Variants in MAGEA4 observed in about 807,000 individuals in gnomAD.
MAGEA4 encodes melanoma-associated antigen 4.
In MAGEA4, 1 loss-of-function variant was observed where a neutral mutation model predicts 13.7. The ratio of observed to expected loss-of-function variants is 0.07; its 90% CI spans 0.03 to 0.35. The LOEUF (loss-of-function observed/expected upper bound fraction) is 0.35. Among genes scored for constraint, MAGEA4 ranks in the 10% least tolerant of loss-of-function variants. MAGEA4 has a pLI of 0.99. For synonymous variants in MAGEA4, 132 were observed against 101.1 expected (o/e 1.31, Z -1.83); for missense variants, 312 against 245.1 (o/e 1.27, Z -1.82).
rs201418399 is a variant in MAGEA4, at chrX:151,923,952, A to G, written c.288A>G (p.Pro96=). Reference sequence around the variant, plus strand: ...CCAGCAGCCAAGAAGAGGAGGGGCCAAGCACCTCGCCTGACGCAGAGTCCT... The same window carrying G: ...CCAGCAGCCAAGAAGAGGAGGGGCCGAGCACCTCGCCTGACGCAGAGTCCT... ...EGSSSQEEEG[P]STSPDAESLF... Residue 96 remains proline, a synonymous_variant, in exon 3 of 3, where the codon CCA becomes CCG. Coordinates refer to ENST00000276344, the MANE Select transcript of MAGEA4 (RefSeq NM_001011548.1). The G allele has an allele frequency of 1.5e-4, 179 of 1,209,870 alleles. 2 individuals carry two copies. Among genetic ancestry groups the G allele is most frequent in the Middle Eastern group, 2.3e-4 (1 of 4,370 alleles).
rs376027883 is a variant in MAGEA4, at chrX:151,923,190, G to T, written c.-137-263G>T. Among the ~76,000 whole-genome samples the T allele has an allele frequency of 7.1e-5, 8 of 111,998 alleles. 1 individual carries two copies. In the East Asian group the frequency reaches 1.4e-3, roughly 20 times the overall value. On this transcript the variant is annotated intron_variant, in intron 1 of 2. Coordinates refer to ENST00000276344, the MANE Select transcript of MAGEA4 (RefSeq NM_001011548.1). The stretch of plus-strand genomic sequence containing the variant: ...CTGTGCTTACAGTCTGCACCCTAAG[G>T]GCCCATGGATTCCTCTCCTAGGAGC...
intron 1 of MAGEA4, among the ~76,000 whole-genome samples, chrX:151,913,231 C>T (rs1001580871): frequency 1.8e-5 from 2 of 110,053 alleles, no homozygotes; most frequent in African/African-American, 6.6e-5. Context: ...TACCACACCG[C>T]TATTCCCATC....
chrX:151,923,774 A>G lies in MAGEA4; in HGVS notation c.110A>G (p.Glu37Gly). 8.3e-7 allele frequency: 1 copy of G among 1,208,454 alleles called. No individual in the cohort carries two copies. Among genetic ancestry groups the G allele is most frequent in the Non-Finnish European group, 1.1e-6 (1 of 894,702 alleles). The change falls in exon 3 of 3, where the codon GAG (glutamate) becomes GGG (glycine). Residue 37 changes from glutamate (E) to glycine (G), a missense_variant. Coordinates refer to ENST00000276344, the MANE Select transcript of MAGEA4 (RefSeq NM_001011548.1). The stretch of plus-strand genomic sequence containing the variant: ...CAGGCTCCTACTACTGAGGAGCAGG[A>G]GGCTGCTGTCTCCTCCTCCTCTCCT... Reference protein sequence around the residue: ...GAQAPTTEEQEAAVSSSSPLV... With the variant: ...GAQAPTTEEQGAAVSSSSPLV...
At chrX:151,917,658 G>T (rs1933115291) in intron 1 of MAGEA4, 1 of 185,416 alleles carries the variant, frequency 5.4e-6, no homozygotes, top group African/African-American at 4.1e-5. Flanking sequence ...GAAGGAAGCA[G>T]GCCAGGCCCT....
chrX:151,920,922 G>T (rs1483280640), intron 1 of MAGEA4, among the ~76,000 whole-genome samples: 2 of 110,307 alleles, frequency 1.8e-5, no homozygotes, highest in East Asian at 2.9e-4. Flanking sequence ...GGACTACCCC[G>T]CGGAGGCTGA....
Position 151,924,292 on chromosome X carries a change from A to G in MAGEA4, c.628A>G (p.Ile210Val). ...CCTTCTGATAATCGTCCTGGGCACA[A>G]TTGCAATGGAGGGCGACAGCGCCTC... Reference protein sequence around the residue: ...TGLLIIVLGTIAMEGDSASEE... With the variant: ...TGLLIIVLGTVAMEGDSASEE... Residue 210 changes from isoleucine to valine, a missense_variant, in exon 3 of 3, where the codon ATT becomes GTT. Ile to Val is a conservative substitution (Grantham distance 29, BLOSUM62 3). Coordinates refer to ENST00000276344, the MANE Select transcript of MAGEA4 (RefSeq NM_001011548.1). 1.7e-6 allele frequency: 2 copies of G among 1,211,199 alleles called. No homozygotes were observed. The highest frequency in any genetic ancestry group is 3.0e-5 in the East Asian group (1 of 33,816).
At position 151,924,433 on chromosome X, in the gene MAGEA4, C is replaced by G; in HGVS notation, c.769C>G (p.Leu257Val). 1 of 1,211,540 alleles carries G rather than the reference C, an allele frequency of 8.3e-7. No homozygotes were observed. The highest frequency in any genetic ancestry group is 1.1e-6 in the Non-Finnish European group (1 of 895,312). Residue 257 changes from leucine to valine, a missense_variant, in exon 3 of 3, where the codon CTG becomes GTG. Coordinates refer to ENST00000276344, the MANE Select transcript of MAGEA4 (RefSeq NM_001011548.1). ...CCAAGATTGGGTGCAGGAAAACTAC[C>G]TGGAGTACCGGCAGGTACCCGGCAG... Reference protein sequence around the residue: ...LTQDWVQENYLEYRQVPGSNP... With the variant: ...LTQDWVQENYVEYRQVPGSNP...
At chrX:151,921,862 C>T (rs372315103) in intron 1 of MAGEA4, among the ~76,000 whole-genome samples, 2 of 109,215 alleles carry the variant, frequency 1.8e-5, no homozygotes, top group African/African-American at 3.3e-5. Flanking sequence ...CACCCCACCC[C>T]GTCTGAGAAT....
At chrX:151,920,677 T>C (rs1933393468) in intron 1 of MAGEA4, among the ~76,000 whole-genome samples, 2 of 80,794 alleles carry the variant, frequency 2.5e-5, no homozygotes, top group African/African-American at 9.3e-5. Context: ...CCTACCTTCA[T>C]CCCCATCAGC....
intron 1 of MAGEA4, among the ~76,000 whole-genome samples, chrX:151,922,367 CAG>C (rs1307113256): frequency 9.0e-6 from 1 of 111,198 alleles, no homozygotes; most frequent in African/African-American, 3.3e-5. Flanking sequence ...TTGCTCATCT[CAG>C]GGGGTTGGGG....
intron 1 of MAGEA4, chrX:151,919,556 AC>A (rs1933302533): frequency 1.8e-6 from 1 of 558,713 alleles, no homozygotes; most frequent in Non-Finnish European, 2.1e-6. Flanking sequence ...ACCCCCATCC[AC>A]GCTGAATCGG....
chrX:151,924,117 C>G lies in MAGEA4; in HGVS notation c.453C>G (p.Ile151Met). 3 of 1,212,171 alleles carry G rather than the reference C, an allele frequency of 2.5e-6. No individual in the cohort carries two copies. Among genetic ancestry groups the G allele is most frequent in the Non-Finnish European group, 3.3e-6 (3 of 895,663 alleles). Residue 151 changes from isoleucine to methionine, a missense_variant, in exon 3 of 3, where the codon ATC becomes ATG. Physicochemically the swap from Ile to Met is conservative, Grantham distance 10 (BLOSUM62 1). Coordinates refer to ENST00000276344, the MANE Select transcript of MAGEA4 (RefSeq NM_001011548.1). ...IKNYKRCFPV[I>M]FGKASESLKM... ...ATTACAAGCGCTGCTTTCCTGTGAT[C>G]TTCGGCAAAGCCTCCGAGTCCCTGA...
chrX:151,920,604 T>G (rs1933384837), intron 1 of MAGEA4, among the ~76,000 whole-genome samples: 1 of 58,413 alleles, frequency 1.7e-5, no homozygotes, highest in Non-Finnish European at 3.1e-5. Flanking sequence ...TGTACCCCCA[T>G]TCCCCACCTG....
rs757230613 is a variant in MAGEA4, at chrX:151,924,407, C to T, written c.743C>T (p.Thr248Ile). 1.7e-5 allele frequency: 20 copies of T among 1,209,472 alleles called. No individual in the cohort carries two copies. The highest frequency in any genetic ancestry group is 2.1e-5 in the Non-Finnish European group (19 of 894,856). The part of the protein sequence containing the change: ...TVYGEPRKLL[T>I]QDWVQENYLE... Reference sequence around the variant, plus strand: ...TATGGGGAGCCCAGGAAACTGCTCACCCAAGATTGGGTGCAGGAAAACTAC... The same window carrying T: ...TATGGGGAGCCCAGGAAACTGCTCATCCAAGATTGGGTGCAGGAAAACTAC... The change falls in exon 3 of 3, where the codon ACC (threonine) becomes ATC (isoleucine). Residue 248 changes from threonine (T) to isoleucine (I), a missense_variant. Thr to Ile is a moderately conservative substitution (Grantham distance 89, BLOSUM62 -1). Coordinates refer to ENST00000276344, the MANE Select transcript of MAGEA4 (RefSeq NM_001011548.1).
chrX:151,919,816 C>T (rs1392331888), intron 1 of MAGEA4: 3 of 704,625 alleles, frequency 4.3e-6, no homozygotes, highest in Non-Finnish European at 3.4e-6. Flanking sequence ...CTGGGCCACT[C>T]GTGGGGGGAC....
chrX:151,921,071 A>G (rs1410134736), intron 1 of MAGEA4, among the ~76,000 whole-genome samples: 1 of 112,066 alleles, frequency 8.9e-6, no homozygotes, highest in Non-Finnish European at 1.9e-5. Flanking sequence ...CCTGCCAGGA[A>G]TCAAAGTCAG....
At chrX:151,920,748 G>A (rs1193081360) in intron 1 of MAGEA4, among the ~76,000 whole-genome samples, 1 of 106,450 alleles carries the variant, frequency 9.4e-6, no homozygotes, top group Non-Finnish European at 1.9e-5. Context: ...CGGATGTGAT[G>A]CCACTGACTT....
Position 151,924,172 on chromosome X carries a change from G to A in MAGEA4, c.508G>A (p.Val170Met), listed in dbSNP as rs1933592502. 4 of 1,212,108 alleles carry A rather than the reference G, an allele frequency of 3.3e-6. No individual in the cohort carries two copies. The highest frequency in any genetic ancestry group is 3.3e-6 in the Non-Finnish European group (3 of 895,596). ...KMIFGIDVKE[V>M]DPASNTYTLV... Reference sequence around the variant, plus strand: ...GATCTTTGGCATTGACGTGAAGGAAGTGGACCCCGCCAGCAACACCTACAC... The same window carrying A: ...GATCTTTGGCATTGACGTGAAGGAAATGGACCCCGCCAGCAACACCTACAC... The change falls in exon 3 of 3, where the codon GTG becomes ATG. Residue 170 changes from valine (V) to methionine (M), a missense_variant. By Grantham distance (21) the Val-to-Met change is conservative. Coordinates refer to ENST00000276344, the MANE Select transcript of MAGEA4 (RefSeq NM_001011548.1).
In MAGEA4 at chrX:151,924,731, T is replaced by A; in HGVS notation, c.*113T>A. The A allele has an allele frequency of 3.7e-6, 3 of 803,547 alleles. No homozygotes were observed. The highest frequency in any genetic ancestry group is 5.2e-6 in the Non-Finnish European group (3 of 581,489). 66.2% of individuals were successfully genotyped at this position (803,547 alleles called of 1,213,427 possible). On this transcript the variant is annotated 3_prime_UTR_variant, in exon 3 of 3. Coordinates refer to ENST00000276344, the MANE Select transcript of MAGEA4 (RefSeq NM_001011548.1). ...GTAACATGAGGCCCATTCTTCACTC[T>A]GTTTGAAGAAAATAGTCAGTGTTCT...
Sources: gnomAD v4.1 joint callset for allele counts (sites outside exome capture counted in the v4.1 genomes callset) on GRCh38, gnomAD v4.1.1 for gene constraint, MANE v1.5 for transcripts, NCBI Gene and HGNC (gene_info 2026-07-23, HGNC 2026-07-21) for gene names.